Variants in OR5D3 observed in about 807,000 individuals in gnomAD.
The protein encoded by OR5D3 is olfactory receptor 5D3.
At chr11:55,726,192 A>G in the OR5D3 span, 1 of 398,498 alleles carries the variant, frequency 2.5e-6, no homozygotes, top group Non-Finnish European at 4.4e-6. Flanking sequence ...TCTCTGGATC[A>G]ACTTTCTTAT....
the OR5D3 span, chr11:55,726,538 G>A: frequency 7.7e-5 from 32 of 417,320 alleles, no homozygotes; most frequent in Non-Finnish European, 1.3e-4. Flanking sequence ...TATATTTGTG[G>A]TGACAGAAAC....
chr11:55,726,769 G>T, the OR5D3 span: 2 of 398,938 alleles, frequency 5.0e-6, no homozygotes, highest in East Asian at 3.6e-5. Flanking sequence ...TGCCATTGTT[G>T]CTGTGTCCTG....
chr11:55,727,221 TGC>T, the OR5D3 span: 1 of 397,320 alleles, frequency 2.5e-6, no homozygotes, highest in Non-Finnish European at 4.4e-6. Flanking sequence ...AACTAGTCAT[TGC>T]ATGAAATTAT....
At chr11:55,724,230 T>C in the OR5D3 span, among the ~76,000 whole-genome samples, 49 of 152,062 alleles carry the variant, frequency 3.2e-4, no homozygotes, top group African/African-American at 1.0e-3. Context: ...TTTCAAATGA[T>C]ATCAATTCTG....
At chr11:55,727,310 T>A in the OR5D3 span, 1 of 387,706 alleles carries the variant, frequency 2.6e-6, no homozygotes, top group Admixed American at 4.5e-5. Flanking sequence ...ATAAATACTG[T>A]AAGTATGGAA....
At chr11:55,727,350 C>G in the OR5D3 span, 1 of 358,732 alleles carries the variant, frequency 2.8e-6, no homozygotes, top group East Asian at 4.1e-5. Context: ...AATTTTTGAT[C>G]GAGAATATTG....
chr11:55,723,857 C>A, the OR5D3 span: 1 of 371,512 alleles, frequency 2.7e-6, no homozygotes, highest in Non-Finnish European at 4.8e-6. Flanking sequence ...CTTATCTCTG[C>A]TATCTATGAG....
chr11:55,724,206 T>C, the OR5D3 span, among the ~76,000 whole-genome samples: 151,815 of 151,922 alleles, frequency 1, 75,854 homozygotes, highest in Non-Finnish European at 1. Context: ...TGTTATATCC[T>C]GATTCCTTCT....
the OR5D3 span, chr11:55,728,059 G>T: frequency 6.6e-6 from 1 of 152,022 alleles, no homozygotes; most frequent in East Asian, 1.9e-4. Flanking sequence ...GTTGATATCA[G>T]TTCGACCATT....
the OR5D3 span, chr11:55,726,631 C>T: frequency 1.0e-5 from 4 of 401,052 alleles, no homozygotes; most frequent in Non-Finnish European, 1.8e-5. Flanking sequence ...GTCCCAGAGG[C>T]TTTGCTCCTT....
At chr11:55,725,015 G>A in the OR5D3 span, among the ~76,000 whole-genome samples, 1 of 151,962 alleles carries the variant, frequency 6.6e-6, no homozygotes, top group African/African-American at 2.4e-5. Flanking sequence ...CTTCCATTTT[G>A]TGGGTTCAGG....
the OR5D3 span, chr11:55,727,936 C>G: frequency 6.6e-6 from 1 of 151,868 alleles, no homozygotes; most frequent in South Asian, 2.1e-4. Flanking sequence ...TGAGATAATA[C>G]ACATACATTA....
chr11:55,727,371 G>T, the OR5D3 span: 2 of 319,512 alleles, frequency 6.3e-6, no homozygotes, highest in Non-Finnish European at 1.1e-5. Flanking sequence ...TAATACAAAA[G>T]TTTTTGTGTT....
the OR5D3 span, among the ~76,000 whole-genome samples, chr11:55,725,998 GTTT>G: frequency 6.6e-6 from 1 of 151,666 alleles, no homozygotes; most frequent in Non-Finnish European, 1.5e-5. Context: ...TCTTAATTTT[GTTT>G]TTTATTATTC....
chr11:55,724,611 T>TGA, the OR5D3 span, among the ~76,000 whole-genome samples: 1 of 152,220 alleles, frequency 6.6e-6, no homozygotes, highest in Non-Finnish European at 1.5e-5. Flanking sequence ...GTAATGAGAT[T>TGA]GAGTATCTAG....
At chr11:55,724,068 G>A in the OR5D3 span, 4 of 397,310 alleles carry the variant, frequency 1.0e-5, no homozygotes, top group Non-Finnish European at 1.8e-5. Flanking sequence ...AGTTGATTTA[G>A]TTTTTTTAAA....
the OR5D3 span, among the ~76,000 whole-genome samples, chr11:55,724,363 G>A: frequency 1.3e-5 from 2 of 152,032 alleles, no homozygotes; most frequent in Non-Finnish European, 2.9e-5. Context: ...AGATAAGCGA[G>A]ACTAATAACC....
At chr11:55,727,305 T>G in the OR5D3 span, 1 of 388,542 alleles carries the variant, frequency 2.6e-6, no homozygotes, top group Non-Finnish European at 4.5e-6. Flanking sequence ...AAGTTATAAA[T>G]ACTGTAAGTA....
chr11:55,724,037 A>G, the OR5D3 span: 13 of 397,900 alleles, frequency 3.3e-5, no homozygotes, highest in South Asian at 2.5e-4. Flanking sequence ...TGAATCACTC[A>G]GATGCCTCTG....
Sources: allele counts gnomAD v4.1 joint callset (sites outside exome capture counted in the v4.1 genomes callset), GRCh38; gene constraint gnomAD v4.1.1; transcripts MANE v1.5; gene names NCBI Gene and HGNC (gene_info 2026-07-23, HGNC 2026-07-21).